DGKK: variants seen among roughly 807,000 people sequenced by gnomAD.
DGKK encodes diacylglycerol kinase kappa.
Under a neutral mutation model 92.2 loss-of-function variants are expected in DGKK, and 35 were observed. The ratio of observed to expected loss-of-function variants is 0.38; its 90% CI spans 0.29 to 0.50. The LOEUF (loss-of-function observed/expected upper bound fraction) is 0.50. Among genes scored for constraint, DGKK ranks in the 20% least tolerant of loss-of-function variants. DGKK has a pLI of 0.92. For synonymous variants in DGKK, 368 were observed against 360.6 expected (o/e 1.02, Z -0.23); for missense variants, 910 against 992.2 (o/e 0.92, Z 1.11).
At chrX:50,392,737 C>T (rs1418157779) in intron 9 of DGKK, among the ~76,000 whole-genome samples, 13 of 112,548 alleles carry the variant, frequency 1.2e-4, no homozygotes, top group African/African-American at 4.2e-4. Flanking sequence ...GGCCAGTGGG[C>T]TCACAGGAAC....
intron 1 of DGKK, among the ~76,000 whole-genome samples, chrX:50,437,610 A>G (rs1926063087): frequency 9.0e-6 from 1 of 111,602 alleles, no homozygotes; most frequent in Admixed American, 9.5e-5. Flanking sequence ...GCTGACCATA[A>G]AAGTACAAAT....
At chrX:50,424,905 G>A (rs1340206119) in intron 1 of DGKK, among the ~76,000 whole-genome samples, 3 of 111,762 alleles carry the variant, frequency 2.7e-5, no homozygotes, top group Non-Finnish European at 5.6e-5. Context: ...ATCTCATGAA[G>A]GAGCAAGCAC....
intron 1 of DGKK, among the ~76,000 whole-genome samples, chrX:50,434,089 C>T (rs1557230552): frequency 9.0e-6 from 1 of 111,088 alleles, no homozygotes; most frequent in African/African-American, 3.3e-5. Context: ...CTCACTGCTT[C>T]TAACTAACCC....
intron 1 of DGKK, among the ~76,000 whole-genome samples, chrX:50,453,961 G>A (rs1368630800): frequency 9.5e-6 from 1 of 105,719 alleles, no homozygotes; most frequent in African/African-American, 3.5e-5. Context: ...CTATTCACTT[G>A]TTCTCCCCCA....
intron 15 of DGKK, 119 bp from the exon 16 acceptor site, chrX:50,384,943 G>A (rs1446537200): frequency 7.5e-6 from 4 of 534,820 alleles, no homozygotes; most frequent in Admixed American, 6.6e-5. Flanking sequence ...AACATTTATC[G>A]AGCATCTATT....
At chrX:50,394,553 C>A (rs1358365289) in intron 8 of DGKK, among the ~76,000 whole-genome samples, 4 of 111,748 alleles carry the variant, frequency 3.6e-5, no homozygotes, top group Non-Finnish European at 5.6e-5. Flanking sequence ...AAAAGTAGTA[C>A]CCCTTCCAAC....
Position 50,366,638 on chromosome X carries a change from T to G in DGKK, c.*2302A>C, listed in dbSNP as rs1236124993. 4.5e-5 allele frequency: 5 copies of G among 112,323 alleles called. No homozygotes were observed. Among genetic ancestry groups the G allele is most frequent in the African/African-American group, 1.6e-4 (5 of 30,903 alleles). The allele number at this position is 112,323 out of a possible 1,213,427, so 9.3% of individuals were successfully genotyped here. ...CTTAGTCACTGCCAAGATAAAGCTA[T>G]CTTCTCCCAGGACTTCCTTCTGTAG... On this transcript the variant is annotated 3_prime_UTR_variant, in exon 28 of 28. Transcript: ENST00000611977.
intron 8 of DGKK, among the ~76,000 whole-genome samples, chrX:50,399,937 G>T (rs1477015615): frequency 8.9e-6 from 1 of 111,817 alleles, no homozygotes; most frequent in Admixed American, 9.5e-5. Context: ...TCATCCCTGT[G>T]GGGTCTGCAC....
intron 1 of DGKK, among the ~76,000 whole-genome samples, chrX:50,468,529 T>C (rs1646774548): frequency 9.0e-6 from 1 of 111,650 alleles, no homozygotes; most frequent in Admixed American, 9.4e-5. Context: ...GCTAGGGTGT[T>C]GAATTTTTAA....
intron 1 of DGKK, among the ~76,000 whole-genome samples, chrX:50,433,380 T>C (rs1925937813): frequency 1.8e-5 from 2 of 111,906 alleles, no homozygotes; most frequent in East Asian, 2.8e-4. Flanking sequence ...GCCACCGTAT[T>C]TCAGTTGTGT....
At chrX:50,394,253 G>C (rs782047064) in intron 8 of DGKK, among the ~76,000 whole-genome samples, 1 of 111,913 alleles carries the variant, frequency 8.9e-6, no homozygotes, top group South Asian at 3.8e-4. Flanking sequence ...GGAGGAGGTG[G>C]GTTGAGAAGA....
intron 4 of DGKK, among the ~76,000 whole-genome samples, chrX:50,419,554 C>T (rs1280659762): frequency 8.9e-6 from 1 of 112,209 alleles, no homozygotes; most frequent in Non-Finnish European, 1.9e-5. Context: ...CAGAACTTTG[C>T]TTCAAGATGA....
chrX:50,391,546 C>A lies in DGKK; in HGVS notation c.1735G>T (p.Gly579Cys). ...CQLAVIPLGT[G>C]NDLARVLGWG... ...CCCAGAACACGAGCCAGATCATTGCCGGTTCCAAGTGGGATGACTGCCAAC... is the reference window on the plus strand; with the variant it reads ...CCCAGAACACGAGCCAGATCATTGCAGGTTCCAAGTGGGATGACTGCCAAC... Residue 579 changes from glycine (G) to cysteine (C), a missense_variant, in exon 11 of 28, where the codon GGC becomes TGC. By Grantham distance (159) the Gly-to-Cys change is radical (BLOSUM62 -3). Transcript: ENST00000611977. The A allele has an allele frequency of 8.3e-7, 1 of 1,211,195 alleles. No homozygotes were observed. Among genetic ancestry groups the A allele is most frequent in the Non-Finnish European group, 1.1e-6 (1 of 895,121 alleles).
intron 1 of DGKK, among the ~76,000 whole-genome samples, chrX:50,449,604 A>T (rs1190731110): frequency 9.0e-6 from 1 of 111,364 alleles, no homozygotes. Flanking sequence ...CCTAGAGAGA[A>T]AAGGCAATGA....
intron 4 of DGKK, among the ~76,000 whole-genome samples, chrX:50,410,313 T>G (rs1382503442): frequency 2.7e-5 from 3 of 111,867 alleles, no homozygotes; most frequent in Admixed American, 9.4e-5. Context: ...TGAGCAATCA[T>G]GAACAGAATT....
At chrX:50,390,533 T>G (rs1602273316) in intron 11 of DGKK, 124 bp from the exon 12 acceptor site, 1 of 520,137 alleles carries the variant, frequency 1.9e-6, no homozygotes. Context: ...TTGTAGGGGG[T>G]GTCCAAGCAA....
intron 4 of DGKK, among the ~76,000 whole-genome samples, chrX:50,415,241 G>A (rs1221567295): frequency 9.0e-6 from 1 of 111,525 alleles, no homozygotes; most frequent in Non-Finnish European, 1.9e-5. Context: ...GGAAGGCAGA[G>A]CATTGAGCCA....
intron 4 of DGKK, among the ~76,000 whole-genome samples, chrX:50,412,903 T>C (rs1180195328): frequency 9.0e-5 from 10 of 111,243 alleles, no homozygotes; most frequent in Non-Finnish European, 1.9e-4. Flanking sequence ...GGCCGCACAA[T>C]AGGAAGTGAC....
In DGKK at chrX:50,383,025, C is replaced by T. The variant is rs1924450229; in HGVS notation, c.2550-422G>A. ...CTGCACAACTGCTCTCAGTGATGTC[C>T]GACATCAAAGGGGAAAATGACCACA... On this transcript the variant is annotated intron_variant, in intron 17 of 27. Coordinates refer to ENST00000611977, the MANE Select transcript of DGKK (RefSeq NM_001013742.4). Among the ~76,000 whole-genome samples, 4 of 111,451 alleles carry T rather than the reference C, an allele frequency of 3.6e-5. No homozygotes were observed. The South Asian group carries it at 1.2e-3, about 32-fold the overall frequency.
Sources: gnomAD v4.1 joint callset for allele counts (sites outside exome capture counted in the v4.1 genomes callset) on GRCh38, gnomAD v4.1.1 for gene constraint, MANE v1.5 for transcripts, NCBI Gene and HGNC (gene_info 2026-07-23, HGNC 2026-07-21) for gene names.